INTS7: variants seen among roughly 807,000 people sequenced by gnomAD.
INTS7 encodes the protein integrator complex subunit 7.
Under a neutral mutation model 109.2 loss-of-function variants are expected in INTS7, and 46 were observed. The observed-to-expected ratio is 0.42, with a 90% CI of 0.33 to 0.54. The LOEUF (loss-of-function observed/expected upper bound fraction) is 0.54. Ranked by LOEUF, INTS7 falls within the 20% of genes least tolerant of loss-of-function variation. The pLI is 0.07. For missense variants in INTS7, 929 were observed against 1,132.4 expected (o/e 0.82, Z 2.58); for synonymous variants, 412 against 402.9 (o/e 1.02, Z -0.27).
At chr1:211,969,178 G>A (rs1045105160) in intron 13 of INTS7, among the ~76,000 whole-genome samples, 8 of 151,272 alleles carry the variant, frequency 5.3e-5, no homozygotes, top group South Asian at 2.1e-4. Context: ...CCAGCTACTC[G>A]GGAGGCTGAG....
chr1:212,015,487 T>G (rs1289804377), intron 4 of INTS7, among the ~76,000 whole-genome samples: 7 of 151,888 alleles, frequency 4.6e-5, no homozygotes, highest in Non-Finnish European at 7.4e-5. Context: ...ATGTGTTTTG[T>G]TAAACAGATG....
Position 212,006,683 on chromosome 1 carries a change from G to C in INTS7, c.835C>G (p.Leu279Val), listed in dbSNP as rs912809987. ...KRLAIQDLKL[L>V]ANKTPHTWSR... ...CAAGTATGTGGTGTTTTATTAGCAA[G>C]TAATTTCAGATCTTGAATAGCAAGT... Residue 279 changes from leucine (L) to valine (V), a missense_variant, in exon 7 of 20, where the codon CTT becomes GTT. Physicochemically the swap from Leu to Val is conservative, Grantham distance 32. Coordinates refer to ENST00000366994, the MANE Select transcript of INTS7 (RefSeq NM_015434.4). 7.5e-6 allele frequency: 12 copies of C among 1,592,182 alleles called. No individual in the cohort carries two copies. The highest frequency in any genetic ancestry group is 1.0e-5 in the Non-Finnish European group (12 of 1,162,020).
intron 1 of INTS7, among the ~76,000 whole-genome samples, chr1:212,032,844 G>A (rs1667232773): frequency 6.6e-6 from 1 of 152,178 alleles, no homozygotes; most frequent in African/African-American, 2.4e-5. Flanking sequence ...TGCAAAGGAG[G>A]CTTCTACCTC....
intron 3 of INTS7, 28 bp downstream of exon 3, chr1:212,020,094 T>A: frequency 7.1e-7 from 1 of 1,411,402 alleles, no homozygotes; most frequent in Non-Finnish European, 9.5e-7. Context: ...AATAATCTCA[T>A]AGTGAATTAT....
intron 7 of INTS7, among the ~76,000 whole-genome samples, chr1:211,993,655 G>C (rs1431283719): frequency 6.7e-6 from 1 of 148,838 alleles, no homozygotes; most frequent in Non-Finnish European, 1.5e-5. Flanking sequence ...ACTCCAGCCT[G>C]GGTGACAGGG....
chr1:211,943,215 C>T (rs1468502436), intron 19 of INTS7, among the ~76,000 whole-genome samples: 1 of 151,964 alleles, frequency 6.6e-6, no homozygotes, highest in Non-Finnish European at 1.5e-5. Context: ...TCTTAAGCTG[C>T]AAACTCACTG....
chr1:212,017,785 T>C (rs757994777), intron 3 of INTS7, among the ~76,000 whole-genome samples: 2 of 152,214 alleles, frequency 1.3e-5, no homozygotes, highest in African/African-American at 2.4e-5. Context: ...CAATGTGACA[T>C]GTAATCACCT....
At chr1:211,996,857 T>C (rs1218301723) in intron 7 of INTS7, among the ~76,000 whole-genome samples, 40 of 151,644 alleles carry the variant, frequency 2.6e-4, no homozygotes, top group Admixed American at 2.6e-3. Context: ...AGATCTCACC[T>C]CTACAAAAAA....
rs2102379171 is a variant in INTS7 at position 211,946,091 on chromosome 1, C to A, written c.2415+516G>T. Among the ~76,000 whole-genome samples the A allele has an allele frequency of 6.6e-6, 1 of 152,320 alleles. No individual in the cohort carries two copies. The highest frequency in any genetic ancestry group is 2.1e-4 in the South Asian group (1 of 4,830). ...AATGCCTGTCTCATAGAATTTGGCA[C>A]TGACAATTAAAAAGGGAGAGAGTTT... On this transcript the variant is annotated intron_variant, in intron 18 of 19. Coordinates refer to ENST00000366994, the MANE Select transcript of INTS7 (RefSeq NM_015434.4). The surrounding 1 kb of genome is among the most constrained non-coding windows in gnomAD (Gnocchi z 4.3).
intron 1 of INTS7, among the ~76,000 whole-genome samples, chr1:212,027,873 C>G (rs1340582197): frequency 6.6e-6 from 1 of 152,042 alleles, no homozygotes; most frequent in Admixed American, 6.6e-5. Flanking sequence ...GCCGCCCAGG[C>G]TGGAGTGCAG....
Position 211,969,147 on chromosome 1 carries a change from T to C in INTS7, c.1816-440A>G, listed in dbSNP as rs546475272. Among the ~76,000 whole-genome samples, 40 of 151,808 alleles carry C rather than the reference T, an allele frequency of 2.6e-4. 1 individual carries two copies. The East Asian group carries it at 3.3e-3, about 12-fold the overall frequency. Reference sequence around the variant, plus strand: ...AAAATACAAAAAAATTAGCTGGGCGTTGTGGCGGGTGCCTGTAGTCCCAGC... The same window carrying C: ...AAAATACAAAAAAATTAGCTGGGCGCTGTGGCGGGTGCCTGTAGTCCCAGC... On this transcript the variant is annotated intron_variant, in intron 13 of 19. Coordinates refer to ENST00000366994, the MANE Select transcript of INTS7 (RefSeq NM_015434.4).
At chr1:211,974,267 G>GA (rs67430806) in intron 13 of INTS7, among the ~76,000 whole-genome samples, 2 of 107,054 alleles carry the variant, frequency 1.9e-5, no homozygotes, top group African/African-American at 7.6e-5. Flanking sequence ...TCTCTTCCCA[G>GA]AAAAAAAAAA....
rs1048268035 is a variant in INTS7 at position 211,942,724 on chromosome 1, T to C, written c.2602-613A>G. ...TGTTTTGTTCAGACTGGAAGTACAA[T>C]ATGTTATAAAACACAGATTTATAGG... On this transcript the variant is annotated intron_variant, in intron 19 of 19. Transcript: ENST00000366994. The surrounding 1 kb of genome is among the most constrained non-coding windows in gnomAD (Gnocchi z 4.2). 6.6e-6 allele frequency among the ~76,000 whole-genome samples: 1 copy of C among 152,224 alleles called. No homozygotes were observed. Among genetic ancestry groups the C allele is most frequent in the African/African-American group, 2.4e-5 (1 of 41,466 alleles).
chr1:211,996,842 T>C (rs1328946841), intron 7 of INTS7, among the ~76,000 whole-genome samples: 3 of 151,518 alleles, frequency 2.0e-5, no homozygotes, highest in East Asian at 1.9e-4. Context: ...CTGGACAAAA[T>C]AGCGAGATCT....
At chr1:211,956,822 C>T (rs534735111) in intron 16 of INTS7, among the ~76,000 whole-genome samples, 173 of 152,238 alleles carry the variant, frequency 1.1e-3, no homozygotes, top group African/African-American at 3.9e-3. Flanking sequence ...TTTGTTTATC[C>T]ATTAGCCTAC....
chr1:211,966,302 T>C (rs998818890), intron 16 of INTS7, 128 bp downstream of exon 16: 4 of 523,222 alleles, frequency 7.6e-6, no homozygotes, highest in Non-Finnish European at 1.4e-5. Context: ...CCACAAAAAA[T>C]GCTGAAGAAT....
At chr1:211,960,371 A>C (rs1428613219) in intron 16 of INTS7, among the ~76,000 whole-genome samples, 3 of 152,206 alleles carry the variant, frequency 2.0e-5, no homozygotes, top group South Asian at 4.1e-4. Context: ...CCAGTGCAAG[A>C]ACTTTGACAA....
At chr1:211,957,125 G>A (rs1435771820) in intron 16 of INTS7, among the ~76,000 whole-genome samples, 9 of 152,120 alleles carry the variant, frequency 5.9e-5, no homozygotes, top group Admixed American at 5.9e-4. Context: ...TGTTCTAGTG[G>A]GAGTAGTATC....
intron 7 of INTS7, among the ~76,000 whole-genome samples, chr1:211,995,770 G>A (rs1665353188): frequency 6.6e-6 from 1 of 152,188 alleles, no homozygotes; most frequent in African/African-American, 2.4e-5. Flanking sequence ...GAGCCCTCAT[G>A]AATGGGGTAA....
Sources: allele counts gnomAD v4.1 joint callset (sites outside exome capture counted in the v4.1 genomes callset), GRCh38; gene constraint gnomAD v4.1.1; non-coding constraint Gnocchi (gnomAD v3.1); transcripts MANE v1.5; gene names NCBI Gene and HGNC (gene_info 2026-07-23, HGNC 2026-07-21).